Variants in GPATCH2L observed in about 807,000 individuals in gnomAD.
GPATCH2L encodes the protein G patch domain-containing protein 2-like.
GPATCH2L carries 31 observed loss-of-function variants against 57.4 expected under a neutral mutation model. The ratio of observed to expected loss-of-function variants is 0.54; its 90% CI spans 0.41 to 0.73. The LOEUF (loss-of-function observed/expected upper bound fraction) is 0.73. Among genes scored for constraint, GPATCH2L ranks in the 30% least tolerant of loss-of-function variants. GPATCH2L has a pLI of 0.00. For synonymous variants in GPATCH2L, 199 were observed against 210.7 expected, an observed-to-expected ratio of 0.94 and a Z score of 0.48; for missense variants, 481 against 599.9, an observed-to-expected ratio of 0.80 and a Z score of 2.07.
intron 8 of GPATCH2L, among the ~76,000 whole-genome samples, chr14:76,193,761 T>G (rs930446459): frequency 2.6e-5 from 4 of 152,142 alleles, no homozygotes; most frequent in African/African-American, 9.7e-5. Context: ...CTTGAATCAG[T>G]GGTGTTAACA....
chr14:76,201,433 A>G (rs1177006271), intron 9 of GPATCH2L, among the ~76,000 whole-genome samples: 2 of 152,218 alleles, frequency 1.3e-5, no homozygotes, highest in African/African-American at 2.4e-5. Context: ...GATTTTTACT[A>G]CATTATGAAT....
Position 76,210,978 on chromosome 14 carries a change from A to G in GPATCH2L, c.*9127A>G, listed in dbSNP as rs1191763502. On this transcript the variant is annotated 3_prime_UTR_variant, in exon 10 of 10. Transcript: ENST00000261530. The stretch of plus-strand genomic sequence containing the variant: ...GACCAGAAAAAAAGTATTACAATGT[A>G]GAATGAAATAAGAATGACAGGGTAT... 6.6e-6 allele frequency: 1 copy of G among 152,254 alleles called. No individual in the cohort carries two copies. The highest frequency in any genetic ancestry group is 1.5e-5 in the Non-Finnish European group (1 of 68,050). The allele number at this position is 152,254 out of a possible 1,614,324, so 9.4% of individuals were successfully genotyped here.
In GPATCH2L at chr14:76,154,788, G is replaced by T. The variant is rs772175452; in HGVS notation, c.425G>T (p.Ser142Ile). The T allele has an allele frequency of 6.2e-7, 1 of 1,614,170 alleles. No individual in the cohort carries two copies. Among genetic ancestry groups the T allele is most frequent in the Non-Finnish European group, 8.5e-7 (1 of 1,179,976 alleles). ...CGAGTGACATCAGAGGTGGCTGCTAGCCTTCAGCAGAAGCTGAAGGTGTCA... is the reference window on the plus strand; with the variant it reads ...CGAGTGACATCAGAGGTGGCTGCTATCCTTCAGCAGAAGCTGAAGGTGTCA... Reference protein sequence around the residue: ...VKRVTSEVAASLQQKLKVSDW... With the variant: ...VKRVTSEVAAILQQKLKVSDW... The change falls in exon 2 of 10, where the codon AGC (serine) becomes ATC (isoleucine). Residue 142 changes from serine (S) to isoleucine (I), a missense_variant. Transcript: ENST00000261530. This position sits in a 1 kb window ranked among gnomAD's most constrained non-coding sequence, Gnocchi z 4.4.
intron 8 of GPATCH2L, among the ~76,000 whole-genome samples, chr14:76,181,133 A>G (rs1346160910): frequency 6.6e-6 from 1 of 152,156 alleles, no homozygotes; most frequent in East Asian, 1.9e-4. Flanking sequence ...AAACAACATT[A>G]TTAATGTTCC....
chr14:76,171,449 C>T (rs559346482), intron 3 of GPATCH2L, among the ~76,000 whole-genome samples: 43 of 151,962 alleles, frequency 2.8e-4, no homozygotes, highest in African/African-American at 8.4e-4. Context: ...TGGTGGCGGG[C>T]GCTTGTAATG....
downstream of GPATCH2L, among the ~76,000 whole-genome samples, chr14:76,217,378 C>A (rs143317219): frequency 6.6e-6 from 1 of 152,050 alleles, no homozygotes; most frequent in Admixed American, 6.6e-5. Flanking sequence ...CATAATAATG[C>A]GACTGAACTC....
chr14:76,229,830 G>C (rs1378128719), exon 2 of GPATCH2L: 1 of 152,166 alleles, frequency 6.6e-6, no homozygotes, highest in East Asian at 1.9e-4. Flanking sequence ...CAGCCCCCCT[G>C]CCCTGAGACA....
At chr14:76,188,097 AT>A (rs1388347118) in intron 8 of GPATCH2L, among the ~76,000 whole-genome samples, 1 of 151,926 alleles carries the variant, frequency 6.6e-6, no homozygotes, top group Non-Finnish European at 1.5e-5. Flanking sequence ...TATGCACCAC[AT>A]TTTCTTTATC....
chr14:76,168,469 T>C (rs1289340413), intron 3 of GPATCH2L, among the ~76,000 whole-genome samples: 1 of 152,188 alleles, frequency 6.6e-6, no homozygotes. Context: ...CTGTGAGTTG[T>C]CTGTGGTTCC....
intron 8 of GPATCH2L, among the ~76,000 whole-genome samples, chr14:76,193,510 A>G (rs2040049775): frequency 6.6e-6 from 1 of 152,206 alleles, no homozygotes; most frequent in African/African-American, 2.4e-5. Flanking sequence ...GTGATCTTGA[A>G]GAAGCAATGT....
intron 7 of GPATCH2L, chr14:76,179,832 A>C (rs2039488046): frequency 6.6e-6 from 1 of 152,108 alleles, no homozygotes; most frequent in Non-Finnish European, 1.5e-5. Flanking sequence ...TGCAGATGAG[A>C]AACTGAAATT....
At chr14:76,176,478 A>G in intron 5 of GPATCH2L, 145 bp from the exon 6 acceptor site, 2 of 630,580 alleles carry the variant, frequency 3.2e-6, no homozygotes, top group Non-Finnish European at 5.7e-6. Context: ...AAAGAAGTAT[A>G]GTTGCTGTTT....
At chr14:76,183,268 A>G (rs926135373) in intron 8 of GPATCH2L, among the ~76,000 whole-genome samples, 1 of 152,244 alleles carries the variant, frequency 6.6e-6, no homozygotes, top group Non-Finnish European at 1.5e-5. Context: ...TGCTTCTGGT[A>G]TGCTCAGCTC....
chr14:76,154,710 C>G lies in GPATCH2L; in HGVS notation c.347C>G (p.Ser116Cys). ...SKQHSWHESD[S>C]FTENAPCRPL... Reference sequence around the variant, plus strand: ...CAACATTCTTGGCATGAATCTGACTCCTTTACTGAAAATGCACCTTGTCGA... The same window carrying G: ...CAACATTCTTGGCATGAATCTGACTGCTTTACTGAAAATGCACCTTGTCGA... The change falls in exon 2 of 10, where the codon TCC (serine) becomes TGC (cysteine). Residue 116 changes from serine (S) to cysteine (C), a missense_variant. Transcript: ENST00000261530. The surrounding 1 kb of genome is among the most constrained non-coding windows in gnomAD (Gnocchi z 4.4). 1 of 1,614,204 alleles carries G rather than the reference C, an allele frequency of 6.2e-7. No homozygotes were observed. The highest frequency in any genetic ancestry group is 8.5e-7 in the Non-Finnish European group (1 of 1,180,020).
At chr14:76,227,675 C>T (rs1032343100) in intron 1 of GPATCH2L, among the ~76,000 whole-genome samples, 2 of 152,232 alleles carry the variant, frequency 1.3e-5, no homozygotes, top group African/African-American at 4.8e-5. Flanking sequence ...GTGAGTAACA[C>T]AGATATAATC....
downstream of GPATCH2L, among the ~76,000 whole-genome samples, chr14:76,215,613 G>C (rs866225565): frequency 2.6e-5 from 4 of 151,834 alleles, no homozygotes; most frequent in Non-Finnish European, 5.9e-5. Flanking sequence ...CATGTCCTTT[G>C]TAGGGACATG....
rs2040335255 is a variant in GPATCH2L, at chr14:76,203,060, G to A, written c.*1209G>A. ...AAGTGCTCCCTGCTCTGGTCACATTGTAGAGGGACTCCCACTCATGCATCT... is the reference window on the plus strand; with the variant it reads ...AAGTGCTCCCTGCTCTGGTCACATTATAGAGGGACTCCCACTCATGCATCT... On this transcript the variant is annotated 3_prime_UTR_variant, in exon 10 of 10. Transcript: ENST00000261530. 6.6e-6 allele frequency: 1 copy of A among 152,148 alleles called. No individual in the cohort carries two copies. 9.4% of individuals were successfully genotyped at this position (152,148 alleles called of 1,614,324 possible). A position where few individuals can be genotyped will look rare whatever the true frequency, so the allele number is the denominator to read the frequency against.
intron 1 of GPATCH2L, among the ~76,000 whole-genome samples, chr14:76,228,327 GGTGTTTGATGTGTGT>G (rs1488401518): frequency 6.6e-6 from 1 of 152,152 alleles, no homozygotes; most frequent in Non-Finnish European, 1.5e-5. Context: ...ATAAATACTT[GGTGTTTGATGTGTGT>G]GTGTGTGCGT....
At chr14:76,173,942 G>A in intron 5 of GPATCH2L, 1 of 360,520 alleles carries the variant, frequency 2.8e-6, no homozygotes, top group Non-Finnish European at 4.9e-6. Context: ...TATTGTGTAA[G>A]TTAAAATACT....
Sources: gnomAD v4.1 joint callset for allele counts (sites outside exome capture counted in the v4.1 genomes callset) on GRCh38, gnomAD v4.1.1 for gene constraint, Gnocchi (gnomAD v3.1) non-coding constraint, MANE v1.5 for transcripts, NCBI Gene and HGNC (gene_info 2026-07-23, HGNC 2026-07-21) for gene names.